Variants in AFF3 observed in about 807,000 individuals in gnomAD.
The protein encoded by AFF3 is AF4/FMR2 family member 3.
AFF3 carries 32 observed loss-of-function variants against 129.7 expected under a neutral mutation model. That is an observed-to-expected ratio of 0.25 (90% CI 0.19 to 0.33). AFF3 has a LOEUF of 0.33. Among genes scored for constraint, AFF3 ranks in the 10% least tolerant of loss-of-function variants. The probability of loss-of-function intolerance (pLI) is 1.00; values close to 1 mark genes in which losing one functional copy is unlikely to be tolerated. For synonymous variants in AFF3, 644 were observed against 635.4 expected (o/e 1.01, Z -0.20); for missense variants, 1,373 against 1,592.0 (o/e 0.86, Z 2.34).
chr2:100,088,083 C>A lies in AFF3; in HGVS notation c.53+16319G>T, dbSNP rs533629192. On this transcript the variant is annotated intron_variant, in intron 4 of 24. Transcript: ENST00000672756. ...TAATATCACACTCAACAGTGAATGA[C>A]AAAGCTTTCCTTTCAAGATGAGAAA... Among the ~76,000 whole-genome samples the A allele has an allele frequency of 2.1e-5, 3 of 145,534 alleles. No individual in the cohort carries two copies. The East Asian group carries it at 6.0e-4, about 29-fold the overall frequency.
intron 2 of AFF3, among the ~76,000 whole-genome samples, chr2:100,125,724 TGGA>T (rs1262849951): frequency 6.6e-6 from 1 of 152,058 alleles, no homozygotes; most frequent in South Asian, 2.1e-4. Context: ...GGAAGAACTC[TGGA>T]GGAGGAGCCA....
At chr2:99,996,527 A>ATTTTTTTTTTTT (rs756231548) in intron 7 of AFF3, among the ~76,000 whole-genome samples, 4 of 114,074 alleles carry the variant, frequency 3.5e-5, no homozygotes, top group African/African-American at 7.8e-5. Context: ...CGCCCGGCTA[A>ATTTTTTTTTTTT]TTTTTTTTTT....
Position 100,006,725 on chromosome 2 carries a change from G to C in AFF3, c.780C>G (p.His260Gln), listed in dbSNP as rs1215100468. ...CAGGGACTCCCCTGTATGATGTGCA[G>C]TGCACGCTGGTTTCCGAAGACGACT... is the stretch of plus-strand genomic sequence containing the variant. Reference protein sequence around the residue: ...KLKSSSETSVHCTSYRGVPAS... With the variant: ...KLKSSSETSVQCTSYRGVPAS... Residue 260 changes from histidine (H) to glutamine (Q), a missense_variant, in exon 7 of 25, where the codon CAC becomes CAG. Around this residue, in one of 9 missense-constraint regions of AFF3, gnomAD observed 413 missense variants for 424.4 expected, o/e 0.97. Coordinates refer to ENST00000672756, the MANE Select transcript of AFF3 (RefSeq NM_001386135.1). 8.1e-6 allele frequency: 13 copies of C among 1,614,108 alleles called. No individual in the cohort carries two copies. The highest frequency in any genetic ancestry group is 1.0e-5 in the Non-Finnish European group (12 of 1,180,042).
intron 4 of AFF3, among the ~76,000 whole-genome samples, chr2:100,060,409 C>T (rs929996876): frequency 1.3e-5 from 2 of 152,100 alleles, no homozygotes; most frequent in African/African-American, 4.8e-5. Flanking sequence ...CATTTTGGCT[C>T]CAAAGGCTAT....
chr2:99,949,060 G>C (rs1234386800), intron 7 of AFF3, among the ~76,000 whole-genome samples: 1 of 152,096 alleles, frequency 6.6e-6, no homozygotes, highest in Non-Finnish European at 1.5e-5. Context: ...TGGATTTGGG[G>C]GTCAGAACAC....
At chr2:99,714,727 C>A (rs538675145) in intron 11 of AFF3, among the ~76,000 whole-genome samples, 7 of 152,166 alleles carry the variant, frequency 4.6e-5, no homozygotes, top group African/African-American at 1.2e-4. Context: ...GTTTGTGTAA[C>A]CTTATTGTTA....
chr2:99,738,749 C>T (rs1341108448), intron 10 of AFF3, among the ~76,000 whole-genome samples: 3 of 152,054 alleles, frequency 2.0e-5, no homozygotes, highest in African/African-American at 4.8e-5. Context: ...GCAGGGTATG[C>T]TGATGTGAAG....
intron 7 of AFF3, among the ~76,000 whole-genome samples, chr2:99,909,104 T>C (rs1452507346): frequency 1.3e-5 from 2 of 151,982 alleles, no homozygotes; most frequent in Non-Finnish European, 2.9e-5. Context: ...CCAACAATGA[T>C]AGACTGGATT....
In AFF3 at chr2:99,805,813, TACACACAC is replaced by T. The variant is rs3072357; in HGVS notation, c.921+31656_921+31663del. ...AGGAAACATCTGCCTGCAGGAGTCT[TACACACAC>T]ACACACACACACACACACACACACA... On this transcript the variant is annotated intron_variant, in intron 8 of 24. Transcript: ENST00000672756. 3.3e-3 allele frequency among the ~76,000 whole-genome samples: 478 copies of T among 142,942 alleles called. 5 individuals are homozygous for T. The highest frequency in any genetic ancestry group is 4.6e-3 in the Non-Finnish European group (302 of 65,320). The allele number at this position is 142,942 out of a possible 152,430, so 93.8% of individuals were successfully genotyped here. A position where few individuals can be genotyped will look rare whatever the true frequency, so the allele number is the denominator to read the frequency against.
At chr2:99,885,612 G>A (rs951569519) in intron 7 of AFF3, among the ~76,000 whole-genome samples, 35 of 152,224 alleles carry the variant, frequency 2.3e-4, no homozygotes, top group Non-Finnish European at 2.1e-4. Context: ...AGGGATGGGA[G>A]TTTCAAAGAG....
At chr2:100,052,086 C>A (rs192799392) in intron 4 of AFF3, among the ~76,000 whole-genome samples, 15 of 152,268 alleles carry the variant, frequency 9.9e-5, no homozygotes, top group African/African-American at 3.4e-4. Context: ...GACAACAGAC[C>A]TGAGCTTGCT....
intron 7 of AFF3, among the ~76,000 whole-genome samples, chr2:99,978,556 A>G (rs972563096): frequency 2.0e-5 from 3 of 152,132 alleles, no homozygotes; most frequent in African/African-American, 7.2e-5. Context: ...CCCCAGACAA[A>G]CCCAAGGTGC....
intron 7 of AFF3, among the ~76,000 whole-genome samples, chr2:100,003,980 T>TA (rs72322086): frequency 0.014 from 2,048 of 144,920 alleles, 20 homozygotes; most frequent in South Asian, 0.023. Flanking sequence ...CATCTTACAC[T>TA]AAAAAAAAAA....
intron 8 of AFF3, among the ~76,000 whole-genome samples, chr2:99,815,930 A>T (rs10176869): frequency 6.6e-6 from 1 of 151,480 alleles, no homozygotes; most frequent in Non-Finnish European, 1.5e-5. Context: ...ATTTTGGAAA[A>T]TTCTTGGCCC....
intron 7 of AFF3, among the ~76,000 whole-genome samples, chr2:99,907,926 C>T (rs192013067): frequency 2.8e-3 from 426 of 152,258 alleles, no homozygotes; most frequent in African/African-American, 9.7e-3. Flanking sequence ...AATCTTGATC[C>T]TTTACTGTCA....
At chr2:100,116,511 TG>T (rs1169359023) in intron 2 of AFF3, among the ~76,000 whole-genome samples, 1 of 152,150 alleles carries the variant, frequency 6.6e-6, no homozygotes, top group Admixed American at 6.5e-5. Flanking sequence ...TACATGGCTT[TG>T]TTTACTATTC....
In AFF3 at chr2:99,852,216, T is replaced by C. The variant is rs571494572; in HGVS notation, c.874-14692A>G. Among the ~76,000 whole-genome samples the C allele has an allele frequency of 2.0e-5, 3 of 152,226 alleles. No individual in the cohort carries two copies. The South Asian group carries it at 6.2e-4, about 32-fold the overall frequency. On this transcript the variant is annotated intron_variant, in intron 7 of 24. Coordinates refer to ENST00000672756, the MANE Select transcript of AFF3 (RefSeq NM_001386135.1). Reference sequence around the variant, plus strand: ...AGAGTCAGCCCTGATCAATACAGCCTCTCCTGCTTCCTGCTTTCAATCTGT... The same window carrying C: ...AGAGTCAGCCCTGATCAATACAGCCCCTCCTGCTTCCTGCTTTCAATCTGT...
intron 8 of AFF3, among the ~76,000 whole-genome samples, chr2:99,782,756 G>T (rs563940614): frequency 2.0e-5 from 3 of 152,190 alleles, no homozygotes; most frequent in African/African-American, 7.2e-5. Flanking sequence ...TCAGAGACAA[G>T]ACTTCTGCAG....
chr2:99,967,425 T>C (rs1285385243), intron 7 of AFF3, among the ~76,000 whole-genome samples: 2 of 152,196 alleles, frequency 1.3e-5, no homozygotes, highest in African/African-American at 2.4e-5. Flanking sequence ...TGCATTAAAT[T>C]TGAACCATTC....
Sources: gnomAD v4.1 joint callset for allele counts (sites outside exome capture counted in the v4.1 genomes callset) on GRCh38, gnomAD v4.1.1 for gene constraint, gnomAD v4.1.1 regional missense constraint, MANE v1.5 for transcripts, NCBI Gene and HGNC (gene_info 2026-07-23, HGNC 2026-07-21) for gene names.